Variants in POLR3B observed in about 807,000 individuals in gnomAD.
POLR3B encodes DNA-directed RNA polymerase III subunit RPC2.
A neutral mutation model predicts 147.4 loss-of-function variants in POLR3B; 96 were observed. That is an observed-to-expected ratio of 0.65 (90% confidence interval 0.55 to 0.77). The LOEUF is 0.77. POLR3B is among the 30% of genes least tolerant of loss of function. The probability of loss-of-function intolerance (pLI) is 0.00; values close to 1 mark genes in which losing one functional copy is unlikely to be tolerated. For synonymous variants in POLR3B, 461 were observed against 485.9 expected, an observed-to-expected ratio of 0.95 and a Z score of 0.67; for missense variants, 1,036 against 1,413.5, an observed-to-expected ratio of 0.73 and a Z score of 4.28.
chr12:106,414,282 C>A (rs970976522), intron 12 of POLR3B, among the ~76,000 whole-genome samples: 1 of 146,534 alleles, frequency 6.8e-6, no homozygotes, highest in Non-Finnish European at 1.5e-5. Flanking sequence ...ATCTAATGTT[C>A]TAAAGCTGCT....
chr12:106,358,017 T>G, intron 1 of POLR3B, 66 bp downstream of exon 1: 1 of 1,589,554 alleles, frequency 6.3e-7, no homozygotes, highest in Non-Finnish European at 8.5e-7. Context: ...TTGCCCGGAG[T>G]GCTCGGGCCG....
At chr12:106,441,532 G>C (rs184926961) in intron 18 of POLR3B, among the ~76,000 whole-genome samples, 146 of 152,292 alleles carry the variant, frequency 9.6e-4, no homozygotes, top group African/African-American at 3.4e-3. Flanking sequence ...TAAAAATGCA[G>C]TATTATAATC....
At chr12:106,449,169 A>C (rs1252087588) in intron 19 of POLR3B, among the ~76,000 whole-genome samples, 1 of 152,188 alleles carries the variant, frequency 6.6e-6, no homozygotes, top group Non-Finnish European at 1.5e-5. Flanking sequence ...TTTCATATAC[A>C]CTTTATACGC....
chr12:106,383,722 A>G (rs896720396), intron 9 of POLR3B, among the ~76,000 whole-genome samples: 5 of 152,134 alleles, frequency 3.3e-5, no homozygotes, highest in East Asian at 1.9e-4. Context: ...GCTCACGCCT[A>G]TAATCCCAGC....
In POLR3B at chr12:106,357,827, C is replaced by T. The variant is rs2036406028; in HGVS notation, c.-53C>T. The T allele has an allele frequency of 1.9e-6, 3 of 1,557,750 alleles. No individual in the cohort carries two copies. Among genetic ancestry groups the T allele is most frequent in the Admixed American group, 1.8e-5 (1 of 55,522 alleles). On this transcript the variant is annotated 5_prime_UTR_variant, in exon 1 of 28. Transcript: ENST00000228347. ...CGGGAGTCTTGCAGTTTGCTTGGTGCAGGGAAGGCGGGCGCGGAGGTTCTA... is the reference window on the plus strand; with the variant it reads ...CGGGAGTCTTGCAGTTTGCTTGGTGTAGGGAAGGCGGGCGCGGAGGTTCTA...
chr12:106,489,585 A>G (rs749992685), intron 23 of POLR3B, among the ~76,000 whole-genome samples: 13 of 152,224 alleles, frequency 8.5e-5, no homozygotes, highest in Non-Finnish European at 1.6e-4. Flanking sequence ...CAGTAGATAT[A>G]AAGAGGCTTG....
chr12:106,468,117 C>A (rs1333238805), intron 23 of POLR3B, among the ~76,000 whole-genome samples: 1 of 152,098 alleles, frequency 6.6e-6, no homozygotes, highest in Non-Finnish European at 1.5e-5. Context: ...TTAATTATTG[C>A]CTTAATTTCA....
intron 19 of POLR3B, among the ~76,000 whole-genome samples, chr12:106,454,244 T>C (rs1224969086): frequency 6.6e-6 from 1 of 152,196 alleles, no homozygotes; most frequent in Admixed American, 6.5e-5. Flanking sequence ...TGGGATAATG[T>C]AAATCCAAAA....
At chr12:106,496,497 G>T in intron 24 of POLR3B, 2 of 599,894 alleles carry the variant, frequency 3.3e-6, no homozygotes, top group Non-Finnish European at 5.9e-6. Context: ...CTTACCAGCT[G>T]TGTGGCCTTG....
intron 6 of POLR3B, 35 bp downstream of exon 6, chr12:106,369,718 C>G (rs2036579150): frequency 2.3e-6 from 3 of 1,295,518 alleles, no homozygotes; most frequent in Admixed American, 1.7e-5. Context: ...GCCACACTGC[C>G]TGGATTCCAG....
intron 1 of POLR3B, 141 bp downstream of exon 1, chr12:106,358,092 G>T (rs2036413810): frequency 2.0e-6 from 3 of 1,521,708 alleles, no homozygotes; most frequent in Admixed American, 4.1e-5. Flanking sequence ...AGAGCGTCGC[G>T]CTTGCGAGTC....
At chr12:106,362,373 C>T (rs750996106) in intron 1 of POLR3B, among the ~76,000 whole-genome samples, 1 of 152,056 alleles carries the variant, frequency 6.6e-6, no homozygotes, top group Non-Finnish European at 1.5e-5. Flanking sequence ...AACAAAGTAA[C>T]CACAAACTAG....
chr12:106,413,150 G>C (rs893566384), intron 12 of POLR3B, among the ~76,000 whole-genome samples: 5 of 151,906 alleles, frequency 3.3e-5, no homozygotes, highest in African/African-American at 1.2e-4. Flanking sequence ...AGTCCTATTT[G>C]TCTATTATTT....
intron 8 of POLR3B, among the ~76,000 whole-genome samples, chr12:106,379,219 GTAGA>G (rs1166343050): frequency 6.6e-6 from 1 of 152,174 alleles, no homozygotes; most frequent in African/African-American, 2.4e-5. Context: ...ACTGTAAGAG[GTAGA>G]TAGCCTTTGA....
chr12:106,381,450 C>T (rs2036762404), intron 9 of POLR3B, among the ~76,000 whole-genome samples: 1 of 152,200 alleles, frequency 6.6e-6, no homozygotes, highest in Non-Finnish European at 1.5e-5. Flanking sequence ...TATACAGCCT[C>T]TTCACCAGGA....
chr12:106,468,946 G>A (rs1028200206), intron 23 of POLR3B, among the ~76,000 whole-genome samples: 3 of 152,190 alleles, frequency 2.0e-5, no homozygotes, highest in Admixed American at 6.5e-5. Flanking sequence ...TTCTGTAGAT[G>A]TCTATTAGGT....
At chr12:106,395,619 C>G (rs555769696) in intron 10 of POLR3B, among the ~76,000 whole-genome samples, 33 of 152,216 alleles carry the variant, frequency 2.2e-4, no homozygotes, top group African/African-American at 7.9e-4. Context: ...CCATATCACA[C>G]TTTATTTTAT....
intron 23 of POLR3B, among the ~76,000 whole-genome samples, chr12:106,472,203 T>C (rs1487590740): frequency 3.2e-4 from 45 of 142,818 alleles, no homozygotes; most frequent in Non-Finnish European, 4.6e-4. Flanking sequence ...CATCATTTTT[T>C]ATGGCTGCAT....
chr12:106,468,858 C>G (rs573265989), intron 23 of POLR3B, among the ~76,000 whole-genome samples: 1 of 152,210 alleles, frequency 6.6e-6, no homozygotes, highest in African/African-American at 2.4e-5. Flanking sequence ...TCTTTTACTT[C>G]CAATTATGGG....
Sources: gnomAD v4.1 joint callset for allele counts (sites outside exome capture counted in the v4.1 genomes callset) on GRCh38, gnomAD v4.1.1 for gene constraint, MANE v1.5 for transcripts, NCBI Gene and HGNC (gene_info 2026-07-23, HGNC 2026-07-21) for gene names.